Variants in FAXDC2 observed in about 807,000 individuals in gnomAD.
The protein encoded by FAXDC2 is fatty acid hydroxylase domain containing 2.
Under a neutral mutation model 40.9 loss-of-function variants are expected in FAXDC2, and 41 were observed. The ratio of observed to expected loss-of-function variants is 1.00; its 90% CI spans 0.78 to 1.30. FAXDC2 has a LOEUF of 1.30. FAXDC2 is among the 50% of genes most tolerant of loss of function. FAXDC2 has a pLI of 0.00. For missense variants in FAXDC2, 390 were observed against 408.8 expected, an observed-to-expected ratio of 0.95 and a Z score of 0.40; for synonymous variants, 157 against 149.3, an observed-to-expected ratio of 1.05 and a Z score of -0.38.
At chr5:154,830,135 G>A (rs1351302865) in intron 5 of FAXDC2, among the ~76,000 whole-genome samples, 4 of 152,264 alleles carry the variant, frequency 2.6e-5, no homozygotes, top group African/African-American at 9.6e-5. Flanking sequence ...GGGTGGAGCT[G>A]GGTAAAGAAC....
At chr5:154,827,421 T>TTGTGTGTGTGTG (rs10528622) in intron 5 of FAXDC2, among the ~76,000 whole-genome samples, 3,237 of 138,620 alleles carry the variant, frequency 0.023, 68 homozygotes, top group African/African-American at 0.04. Flanking sequence ...TTCTGTTATT[T>TTGTGTGTGTGTG]TGTGTGTGTG....
At chr5:154,821,540 A>T (rs1199430652) in intron 7 of FAXDC2, 114 bp from the exon 8 acceptor site, 9 of 723,602 alleles carry the variant, frequency 1.2e-5, no homozygotes, top group Non-Finnish European at 1.7e-5. Context: ...CCAGATCTGG[A>T]GAAGGTGAGA....
chr5:154,848,223 G>A (rs1259976043), intron 1 of FAXDC2, among the ~76,000 whole-genome samples: 1 of 152,114 alleles, frequency 6.6e-6, no homozygotes, highest in Non-Finnish European at 1.5e-5. Flanking sequence ...TAAAATTGTT[G>A]AGACAATTTA....
intron 5 of FAXDC2, among the ~76,000 whole-genome samples, chr5:154,825,666 A>AAAAAAAAAAAAAAAAAAAAC (rs1760013172): frequency 6.8e-6 from 1 of 147,888 alleles, no homozygotes; most frequent in African/African-American, 2.5e-5. Context: ...AAAAAAAAAA[A>AAAAAAAAAAAAAAAAAAAAC]AAGCAGTAAT....
intron 6 of FAXDC2, 95 bp from the exon 7 acceptor site, chr5:154,822,672 A>G: frequency 1.1e-6 from 1 of 900,462 alleles, no homozygotes; most frequent in Non-Finnish European, 1.8e-6. Flanking sequence ...TAGGGGTTAC[A>G]TCCATGGAGC....
intron 5 of FAXDC2, among the ~76,000 whole-genome samples, chr5:154,827,444 T>TGG (rs1204177460): frequency 1.3e-5 from 2 of 151,574 alleles, no homozygotes; most frequent in African/African-American, 4.9e-5. Context: ...TGTGTGTGTG[T>TGG]GTGTGTGTGT....
intron 1 of FAXDC2, among the ~76,000 whole-genome samples, chr5:154,844,394 AAAAG>A (rs1561661595): frequency 6.6e-6 from 1 of 151,956 alleles, no homozygotes; most frequent in African/African-American, 2.4e-5. Flanking sequence ...AAAAAAAAAA[AAAAG>A]AAAAAGAAAC....
chr5:154,820,452 A>G lies in FAXDC2; in HGVS notation c.866T>C (p.Val289Ala), dbSNP rs1429672715. Residue 289 changes from valine (V) to alanine (A), a missense_variant, in exon 9 of 9, where the codon GTG becomes GCG. Coordinates refer to ENST00000326080, the MANE Select transcript of FAXDC2 (RefSeq NM_032385.5). ...ATGGAGGTGGTCCAGCACACCCAGC[A>G]CCCCATAGCACTGGTTGAACCTAGA... ...HHLKFNQCYG[V>A]LGVLDHLHGT... 4.3e-6 allele frequency: 7 copies of G among 1,611,476 alleles called. No individual in the cohort carries two copies. Among genetic ancestry groups the G allele is most frequent in the Non-Finnish European group, 5.9e-6 (7 of 1,178,964 alleles).
At chr5:154,845,974 AT>A (rs942959676) in intron 1 of FAXDC2, among the ~76,000 whole-genome samples, 2 of 148,370 alleles carry the variant, frequency 1.3e-5, no homozygotes, top group Non-Finnish European at 1.5e-5. Flanking sequence ...ATATATATAT[AT>A]TTTTTTTTAG....
In FAXDC2 at chr5:154,834,704, A is replaced by T; in HGVS notation, c.165T>A (p.Ala55=). Reference sequence around the variant, plus strand: ...ACTGGGCTTGCCAAAAGTAGCCAGAAGCACCCCAAAATCTCTGAAGATGCC... The same window carrying T: ...ACTGGGCTTGCCAAAAGTAGCCAGATGCACCCCAAAATCTCTGAAGATGCC... ...VTWHLQRFWG[A]SGYFWQAQWE... Residue 55 remains alanine (A), a synonymous_variant, in exon 4 of 9, where the codon GCT becomes GCA. Transcript: ENST00000326080. The T allele has an allele frequency of 6.2e-7, 1 of 1,613,824 alleles. No individual in the cohort carries two copies. The highest frequency in any genetic ancestry group is 8.5e-7 in the Non-Finnish European group (1 of 1,179,974).
intron 1 of FAXDC2, among the ~76,000 whole-genome samples, chr5:154,847,962 CCCGAGTAGCT>C (rs1306330966): frequency 1.3e-5 from 2 of 151,846 alleles, no homozygotes; most frequent in Non-Finnish European, 2.9e-5. Context: ...GCCTCAGCCT[CCCGAGTAGCT>C]GGGACCACAG....
intron 2 of FAXDC2, chr5:154,835,417 G>C (rs970716013): frequency 1.8e-5 from 3 of 162,344 alleles, no homozygotes; most frequent in African/African-American, 7.2e-5. Context: ...GGGCAGGCAA[G>C]GTTGAGATAG....
rs1561649770 is a variant in FAXDC2, at chr5:154,820,314, TCTCA to T, written c.1000_*1del. 3 of 1,603,050 alleles carry T rather than the reference TCTCA, an allele frequency of 1.9e-6. No homozygotes were observed. In the South Asian group the frequency reaches 3.4e-5, roughly 18 times the overall value. On this transcript the variant is annotated stop_lost and 3_prime_UTR_variant, in exon 9 of 9. Coordinates refer to ENST00000326080, the MANE Select transcript of FAXDC2 (RefSeq NM_032385.5). ...CAGCCAGGATGACACTTAGGCTGTC[TCTCA>T]CTCCATCCTCTTTGGGGAGTCTGGG...
At chr5:154,828,452 G>A (rs891000075) in intron 5 of FAXDC2, among the ~76,000 whole-genome samples, 3 of 152,144 alleles carry the variant, frequency 2.0e-5, no homozygotes, top group African/African-American at 7.2e-5. Context: ...GTAGTACATG[G>A]ATAGGGGAGG....
Position 154,821,360 on chromosome 5 carries a change from T to C in FAXDC2, c.745A>G (p.Met249Val). 1 of 1,611,592 alleles carries C rather than the reference T, an allele frequency of 6.2e-7. No homozygotes were observed. The highest frequency in any genetic ancestry group is 8.5e-7 in the Non-Finnish European group (1 of 1,179,218). ...VMGSHLSSIT[M>V]WFSLALIITT... ...ATGATGAGGGCCAAGGAAAACCACA[T>C]GGTGATGGAGGACAAGTGGGAGCCC... The change falls in exon 8 of 9, where the codon ATG becomes GTG. Residue 249 changes from methionine to valine, a missense_variant. By Grantham distance (21) the Met-to-Val change is conservative (BLOSUM62 1). Coordinates refer to ENST00000326080, the MANE Select transcript of FAXDC2 (RefSeq NM_032385.5).
intron 5 of FAXDC2, chr5:154,830,354 C>G (rs1213382161): frequency 6.5e-6 from 1 of 154,914 alleles, no homozygotes; most frequent in African/African-American, 2.4e-5. Flanking sequence ...AGACAGCCAC[C>G]GCCCACACAT....
intron 1 of FAXDC2, among the ~76,000 whole-genome samples, chr5:154,843,759 A>G (rs931972694): frequency 2.6e-5 from 4 of 152,254 alleles, no homozygotes; most frequent in Non-Finnish European, 5.9e-5. Flanking sequence ...CATTGAAGAC[A>G]TTCCTTACTC....
At position 154,830,804 on chromosome 5, in the gene FAXDC2, T is replaced by G; in HGVS notation, c.363A>C (p.Glu121Asp). 6.2e-7 allele frequency: 1 copy of G among 1,614,008 alleles called. No homozygotes were observed. The highest frequency in any genetic ancestry group is 1.3e-5 in the African/African-American group (1 of 75,010). Residue 121 changes from glutamate (E) to aspartate (D), a missense_variant, in exon 5 of 9, where the codon GAA (glutamate) becomes GAC (aspartate). Physicochemically the swap from Glu to Asp is conservative, Grantham distance 45. Transcript: ENST00000326080. Reference protein sequence around the residue: ...SRYRIQVGKNEPVDPVKLRQS... With the variant: ...SRYRIQVGKNDPVDPVKLRQS... ...CAGAAGTTGCAACAACACTTACAGG[T>G]TCATTCTTGCCGACCTGAATTCGGT...
intron 5 of FAXDC2, among the ~76,000 whole-genome samples, chr5:154,825,650 C>CAAAAAAAAAAAAAAAAAAA (rs386358555): frequency 0.15 from 4,476 of 30,012 alleles, 1,859 homozygotes; most frequent in Non-Finnish European, 0.19. Flanking sequence ...GACTCCGTCT[C>CAAAAAAAAAAAAAAAAAAA]AAAAAAAAAA....
Sources: allele counts gnomAD v4.1 joint callset (sites outside exome capture counted in the v4.1 genomes callset), GRCh38; gene constraint gnomAD v4.1.1; transcripts MANE v1.5; gene names NCBI Gene and HGNC (gene_info 2026-07-23, HGNC 2026-07-21).